The following THSD4 variants were observed in gnomAD, a reference collection of about 807,000 sequenced individuals.
THSD4 encodes thrombospondin type 1 domain containing 4, also known as thrombospondin type-1 domain-containing protein 4.
THSD4 carries 69 observed loss-of-function variants against 119.0 expected under a neutral mutation model. The ratio of observed to expected loss-of-function variants is 0.58; its 90% confidence interval spans 0.48 to 0.71. The LOEUF (loss-of-function observed/expected upper bound fraction) is 0.71. Ranked by LOEUF, THSD4 falls within the 30% of genes least tolerant of loss-of-function variation. The probability of loss-of-function intolerance (pLI) is 0.00; values close to 1 mark genes in which losing one functional copy is unlikely to be tolerated. For missense variants in THSD4, 1,393 were observed against 1,391.1 expected (o/e 1.00, Z -0.02); for synonymous variants, 524 against 540.4 (o/e 0.97, Z 0.42).
chr15:71,243,142 G>T (rs374274229), intron 5 of THSD4, 46 bp downstream of exon 5: 1 of 1,554,796 alleles, frequency 6.4e-7, no homozygotes. Flanking sequence ...GCTGCCCCTC[G>T]TTTTTCTGTC....
At chr15:71,755,706 C>CAAAAAAAAAAAAA (rs10555546) in intron 14 of THSD4, among the ~76,000 whole-genome samples, 3 of 50,280 alleles carry the variant, frequency 6.0e-5, no homozygotes, top group Non-Finnish European at 1.2e-4. Flanking sequence ...TCAGCAAAGA[C>CAAAAAAAAAAAAA]AAAAAAAAAA....
intron 7 of THSD4, among the ~76,000 whole-genome samples, chr15:71,444,350 G>T (rs1268110003): frequency 4.6e-5 from 7 of 152,200 alleles, no homozygotes; most frequent in Admixed American, 1.3e-4. Flanking sequence ...TCTAAAGCAT[G>T]GGGTCCACCT....
At chr15:71,437,844 G>A (rs535741139) in intron 7 of THSD4, among the ~76,000 whole-genome samples, 31 of 152,326 alleles carry the variant, frequency 2.0e-4, no homozygotes, top group African/African-American at 7.5e-4. Context: ...TATGAGAGTG[G>A]TTTGCTATCC....
chr15:71,431,675 A>G (rs976577289), intron 7 of THSD4, among the ~76,000 whole-genome samples: 2 of 152,286 alleles, frequency 1.3e-5, no homozygotes, highest in South Asian at 4.1e-4. Flanking sequence ...TACAGACAGA[A>G]ACGTGGTCTT....
At chr15:71,124,821 T>C (rs188228909) in intron 1 of THSD4, among the ~76,000 whole-genome samples, 48 of 152,210 alleles carry the variant, frequency 3.2e-4, no homozygotes, top group African/African-American at 1.1e-3. Flanking sequence ...GATGAGAAGA[T>C]CGCTTGAGCC....
At chr15:71,743,191 A>G (rs1277274508) in intron 11 of THSD4, among the ~76,000 whole-genome samples, 2 of 152,052 alleles carry the variant, frequency 1.3e-5, no homozygotes, top group Non-Finnish European at 2.9e-5. Context: ...GAAGACAAGC[A>G]GTGGCCAGGT....
chr15:71,313,827 A>G (rs2045148171), intron 6 of THSD4, among the ~76,000 whole-genome samples: 1 of 152,156 alleles, frequency 6.6e-6, no homozygotes, highest in Non-Finnish European at 1.5e-5. Flanking sequence ...CGTAGCTTTC[A>G]TGCCATTGCT....
intron 7 of THSD4, among the ~76,000 whole-genome samples, chr15:71,562,725 G>A (rs1031323748): frequency 1.1e-4 from 14 of 126,662 alleles, no homozygotes; most frequent in African/African-American, 3.6e-4. Context: ...TTTCTGAAAC[G>A]GAGTTTGGCT....
chr15:71,247,971 C>T (rs1362763431), intron 5 of THSD4, among the ~76,000 whole-genome samples: 2 of 152,192 alleles, frequency 1.3e-5, no homozygotes, highest in Non-Finnish European at 2.9e-5. Context: ...AGAACAACAA[C>T]CCTTTTCTGG....
intron 8 of THSD4, among the ~76,000 whole-genome samples, chr15:71,681,437 G>A (rs2051774116): frequency 6.6e-6 from 1 of 151,702 alleles, no homozygotes; most frequent in Non-Finnish European, 1.5e-5. Context: ...AGCACTTTGG[G>A]AGGCCAAGGC....
chr15:71,235,398 A>C (rs2044095357), intron 4 of THSD4, among the ~76,000 whole-genome samples: 1 of 152,188 alleles, frequency 6.6e-6, no homozygotes, highest in Admixed American at 6.5e-5. Context: ...AAAATCCAGT[A>C]GTATCTTAGA....
Position 71,385,378 on chromosome 15 carries a change from C to T in THSD4, c.1016-26309C>T, listed in dbSNP as rs569640002. The stretch of plus-strand genomic sequence containing the variant: ...TGAGTCCCACTTGTGACACTAATCT[C>T]TTAAAAGAAAAACCTTAGACAAATA... On this transcript the variant is annotated intron_variant, in intron 6 of 17. Transcript: ENST00000261862. Among the ~76,000 whole-genome samples, 6 of 152,134 alleles carry T rather than the reference C, an allele frequency of 3.9e-5. 1 individual carries two copies. Among genetic ancestry groups the T allele is most frequent in the African/African-American group, 9.7e-5 (4 of 41,412 alleles).
intron 8 of THSD4, among the ~76,000 whole-genome samples, chr15:71,698,705 C>A (rs2052220413): frequency 6.7e-6 from 1 of 148,518 alleles, no homozygotes; most frequent in South Asian, 2.1e-4. Context: ...TTCGTCTATA[C>A]ACACACACAC....
chr15:71,554,830 C>G (rs1011252813), intron 7 of THSD4, among the ~76,000 whole-genome samples: 1 of 150,478 alleles, frequency 6.6e-6, no homozygotes, highest in East Asian at 1.9e-4. Flanking sequence ...TATTTTATTT[C>G]TTAAAAAGGC....
chr15:71,199,340 G>A (rs1224283783), intron 3 of THSD4, among the ~76,000 whole-genome samples: 1 of 152,150 alleles, frequency 6.6e-6, no homozygotes, highest in African/African-American at 2.4e-5. Context: ...TCAGAACTGG[G>A]GCTTTGCAGA....
intron 7 of THSD4, among the ~76,000 whole-genome samples, chr15:71,627,501 G>A (rs1427298317): frequency 6.6e-6 from 1 of 152,188 alleles, no homozygotes; most frequent in Admixed American, 6.5e-5. Context: ...TAGATGAGAA[G>A]TAGGTTTAGC....
chr15:71,718,011 T>C (rs962299644), intron 8 of THSD4, among the ~76,000 whole-genome samples: 38 of 152,198 alleles, frequency 2.5e-4, no homozygotes, highest in Non-Finnish European at 3.7e-4. Flanking sequence ...TAACTGGGCA[T>C]GGTGGTGCAC....
chr15:71,379,507 G>A (rs2140450623), intron 6 of THSD4, among the ~76,000 whole-genome samples: 1 of 135,994 alleles, frequency 7.4e-6, no homozygotes, highest in Middle Eastern at 4.2e-3. Flanking sequence ...CGCCCAGGCT[G>A]GAGTGCAGTG....
intron 1 of THSD4, among the ~76,000 whole-genome samples, chr15:71,102,412 T>C (rs1307552811): frequency 6.6e-6 from 1 of 152,144 alleles, no homozygotes; most frequent in East Asian, 1.9e-4. Flanking sequence ...TTCTGCTGGG[T>C]TTCTTTTTCA....
Sources: allele counts gnomAD v4.1 joint callset (sites outside exome capture counted in the v4.1 genomes callset), GRCh38; gene constraint gnomAD v4.1.1; transcripts MANE v1.5; gene names NCBI Gene and HGNC (gene_info 2026-07-23, HGNC 2026-07-21).